DIP2A: variants seen among roughly 807,000 people sequenced by gnomAD.
The protein encoded by DIP2A is DIP2 acetate--CoA ligase A.
DIP2A carries 85 observed loss-of-function variants against 177.4 expected under a neutral mutation model. That is an observed-to-expected ratio of 0.48 (90% CI 0.40 to 0.57). DIP2A has a LOEUF of 0.57. Ranked by LOEUF, DIP2A falls within the 20% of genes least tolerant of loss-of-function variation. The pLI is 0.00. For synonymous variants in DIP2A, 886 were observed against 881.8 expected (o/e 1.00, Z -0.08); for missense variants, 1,791 against 2,100.2 (o/e 0.85, Z 2.88).
At chr21:46,549,665 A>G (rs570263906) in intron 21 of DIP2A, 106 bp from the exon 22 acceptor site, 1 of 1,532,462 alleles carries the variant, frequency 6.5e-7, no homozygotes, top group Non-Finnish European at 8.8e-7. Flanking sequence ...GATAGACTGC[A>G]TTTTAAATAC....
At chr21:46,565,250 G>A (rs1285909291) in intron 35 of DIP2A, among the ~76,000 whole-genome samples, 3 of 152,260 alleles carry the variant, frequency 2.0e-5, no homozygotes, top group Non-Finnish European at 4.4e-5. Flanking sequence ...ACACACGCGC[G>A]TGGGGCTGAC....
At chr21:46,479,160 C>T (rs1255128034) in intron 1 of DIP2A, among the ~76,000 whole-genome samples, 1 of 152,226 alleles carries the variant, frequency 6.6e-6, no homozygotes, top group African/African-American at 2.4e-5. Context: ...TGAGCTCCTG[C>T]CTCTCTGAGT....
intron 25 of DIP2A, 126 bp downstream of exon 25, chr21:46,552,030 T>TA: frequency 9.0e-7 from 1 of 1,109,930 alleles, no homozygotes; most frequent in South Asian, 1.4e-5. Context: ...GCCTGTGGAC[T>TA]CAGCCCCCGT....
intron 28 of DIP2A, among the ~76,000 whole-genome samples, chr21:46,555,135 C>T (rs1395310113): frequency 1.3e-5 from 2 of 152,228 alleles, no homozygotes; most frequent in Middle Eastern, 3.2e-3. Flanking sequence ...ACTCAGCCCA[C>T]AGCAGCCGCA....
intron 33 of DIP2A, 87 bp from the exon 34 acceptor site, chr21:46,561,661 G>A (rs771018148): frequency 1.5e-5 from 23 of 1,512,490 alleles, no homozygotes; most frequent in East Asian, 6.8e-5. Context: ...CCCTCAGAGT[G>A]ATCATTTCCA....
intron 32 of DIP2A, 21 bp from the exon 33 acceptor site, chr21:46,560,701 C>G (rs1200791872): frequency 6.2e-7 from 1 of 1,600,494 alleles, no homozygotes. Context: ...AACAGAAGTT[C>G]CTCTGCTGCT....
At chr21:46,523,320 C>T (rs1242255484) in intron 8 of DIP2A, among the ~76,000 whole-genome samples, 8 of 150,848 alleles carry the variant, frequency 5.3e-5, no homozygotes, top group Admixed American at 1.3e-4. Flanking sequence ...CTGCAACCTC[C>T]GCCTCCCAGG....
intron 10 of DIP2A, 50 bp from the exon 11 acceptor site, chr21:46,533,474 T>C (rs1184660455): frequency 4.4e-6 from 7 of 1,590,240 alleles, no homozygotes; most frequent in Non-Finnish European, 6.0e-6. Flanking sequence ...GGTCTGGGGC[T>C]GTGGCTGCTG....
At chr21:46,560,602 G>A in intron 32 of DIP2A, 120 bp from the exon 33 acceptor site, 1 of 1,369,750 alleles carries the variant, frequency 7.3e-7, no homozygotes, top group Non-Finnish European at 1.0e-6. Context: ...AGGGAGCAGA[G>A]CTGCTACCTT....
chr21:46,489,489 G>T (rs781741707), intron 2 of DIP2A, among the ~76,000 whole-genome samples: 39 of 152,128 alleles, frequency 2.6e-4, no homozygotes, highest in Non-Finnish European at 4.9e-4. Flanking sequence ...CCACTGGGGG[G>T]CTTAACACTC....
At position 46,522,075 on chromosome 21, in the gene DIP2A, C is replaced by G. The variant is rs183642762; in HGVS notation, c.1103-7017C>G. 8.5e-5 allele frequency among the ~76,000 whole-genome samples: 13 copies of G among 152,330 alleles called. No individual in the cohort carries two copies. The East Asian group carries it at 2.5e-3, about 29-fold the overall frequency. On this transcript the variant is annotated intron_variant, in intron 8 of 37. Transcript: ENST00000417564. ...TTAGCAAACCTAATATCTGACCTGTCTAATTTAGACCAAATGCCTAAATTT... is the reference window on the plus strand; with the variant it reads ...TTAGCAAACCTAATATCTGACCTGTGTAATTTAGACCAAATGCCTAAATTT...
rs548838843 is a variant in DIP2A at position 46,467,212 on chromosome 21, C to T, written c.91+7990C>T. 1.0e-3 allele frequency among the ~76,000 whole-genome samples: 152 copies of T among 147,128 alleles called. 2 individuals carry two copies. The highest frequency in any genetic ancestry group is 7.0e-3 in the Middle Eastern group (2 of 284). ...TCGGGAGGCTGAGGCAGGAGAATGG[C>T]GTGAACCTGGGAGGCGGAGGTTGCA... is the stretch of plus-strand genomic sequence containing the variant. On this transcript the variant is annotated intron_variant, in intron 1 of 37. Transcript: ENST00000417564.
chr21:46,532,088 T>A (rs772510320), intron 9 of DIP2A, 39 bp from the exon 10 acceptor site: 1 of 1,567,846 alleles, frequency 6.4e-7, no homozygotes, highest in African/African-American at 1.4e-5. Context: ...ATTGTAAAAA[T>A]TGGAAATTTG....
At chr21:46,486,187 T>C (rs2056685435) in intron 2 of DIP2A, among the ~76,000 whole-genome samples, 1 of 151,512 alleles carries the variant, frequency 6.6e-6, no homozygotes, top group Non-Finnish European at 1.5e-5. Flanking sequence ...TTGTCCAGTA[T>C]ATGAAACACC....
At chr21:46,465,990 G>A (rs2054793009) in intron 1 of DIP2A, among the ~76,000 whole-genome samples, 1 of 151,918 alleles carries the variant, frequency 6.6e-6, no homozygotes, top group South Asian at 2.1e-4. Flanking sequence ...TAAATGAGAG[G>A]AAATAACTGA....
In DIP2A at chr21:46,459,194, G is replaced by T; in HGVS notation, c.63G>T (p.Leu21=). 6.6e-7 allele frequency: 1 copy of T among 1,525,806 alleles called. No homozygotes were observed. Among genetic ancestry groups the T allele is most frequent in the Admixed American group, 2.0e-5 (1 of 49,180 alleles). 94.5% of individuals were successfully genotyped at this position (1,525,806 alleles called of 1,614,324 possible). Reference sequence around the variant, plus strand: ...TGCCTGCCGAGGTGCGGGAGAGCCTGGCTGAGCTGGAGCTGGAGCTGTCGG... The same window carrying T: ...TGCCTGCCGAGGTGCGGGAGAGCCTTGCTGAGCTGGAGCTGGAGCTGTCGG... ...APLPAEVRES[L]AELELELSEG... Residue 21 remains leucine (L), a synonymous_variant, in exon 1 of 38, where the codon CTG becomes CTT. Coordinates refer to ENST00000417564, the MANE Select transcript of DIP2A (RefSeq NM_015151.4).
the DIP2A span, among the ~76,000 whole-genome samples, chr21:46,576,746 G>T: frequency 1.3e-5 from 2 of 152,126 alleles, no homozygotes; most frequent in Non-Finnish European, 2.9e-5. Context: ...CATCAACACT[G>T]TAAATGCATT....
chr21:46,547,154 A>G, intron 21 of DIP2A, 112 bp downstream of exon 21: 1 of 1,475,094 alleles, frequency 6.8e-7, no homozygotes, highest in Non-Finnish European at 9.0e-7. Context: ...AAGCCTAAAA[A>G]TTGTTGTACA....
downstream of DIP2A, among the ~76,000 whole-genome samples, chr21:46,573,522 C>T (rs2060979183): frequency 3.3e-5 from 5 of 150,956 alleles, no homozygotes; most frequent in Admixed American, 3.3e-4. Flanking sequence ...ATTAGCTGGG[C>T]ATTGTGGCTT....
Sources: allele counts gnomAD v4.1 joint callset (sites outside exome capture counted in the v4.1 genomes callset), GRCh38; gene constraint gnomAD v4.1.1; transcripts MANE v1.5; gene names NCBI Gene and HGNC (gene_info 2026-07-23, HGNC 2026-07-21).